Variants in NAP1L1 observed in about 807,000 individuals in gnomAD.
NAP1L1 encodes the protein nucleosome assembly protein 1-like 1.
Under a neutral mutation model 58.9 loss-of-function variants are expected in NAP1L1, and 9 were observed. That is an observed-to-expected ratio of 0.15 (90% CI 0.09 to 0.27). The LOEUF (loss-of-function observed/expected upper bound fraction) is 0.27, where lower values mean the gene tolerates loss of function less well. NAP1L1 is among the 10% of genes least tolerant of loss of function. NAP1L1 has a pLI of 1.00. For synonymous variants in NAP1L1, 130 were observed against 138.3 expected (o/e 0.94, Z 0.42); for missense variants, 302 against 458.8 (o/e 0.66, Z 3.12).
At chr12:76,079,883 G>A (rs924598588) in intron 1 of NAP1L1, among the ~76,000 whole-genome samples, 3 of 152,004 alleles carry the variant, frequency 2.0e-5, no homozygotes, top group African/African-American at 7.2e-5. Flanking sequence ...GTAAAGACAG[G>A]GTGTCTCACT....
chr12:76,079,012 C>CATAT lies in NAP1L1; in HGVS notation c.-20-4777_-20-4774dup, dbSNP rs761513778. Among the ~76,000 whole-genome samples, 214 of 151,828 alleles carry CATAT rather than the reference C, an allele frequency of 1.4e-3. 1 individual carries two copies. Among genetic ancestry groups the CATAT allele is most frequent in the Admixed American group, 4.8e-3 (74 of 15,258 alleles). On this transcript the variant is annotated intron_variant, in intron 1 of 14. Transcript: ENST00000618691. ...ATATATATACACACACACACACACA[C>CATAT]ATATATTTATCCAGCTCCGGATACA... is the stretch of plus-strand genomic sequence containing the variant.
intron 2 of NAP1L1, among the ~76,000 whole-genome samples, chr12:76,071,871 C>G (rs959568346): frequency 6.6e-6 from 1 of 151,600 alleles, no homozygotes; most frequent in Non-Finnish European, 1.5e-5. Context: ...CATTAGAATG[C>G]TAAATGTAGA....
intron 1 of NAP1L1, among the ~76,000 whole-genome samples, chr12:76,079,210 C>G (rs926101677): frequency 2.0e-5 from 3 of 152,150 alleles, no homozygotes; most frequent in Admixed American, 6.5e-5. Context: ...AAAATACTAT[C>G]CCCAACCAAA....
chr12:76,064,247 CAA>C (rs1168930392), intron 4 of NAP1L1, among the ~76,000 whole-genome samples: 9 of 152,206 alleles, frequency 5.9e-5, no homozygotes, highest in Admixed American at 1.3e-4. Context: ...TAAAATGAAA[CAA>C]GAGAACAAGA....
intron 1 of NAP1L1, among the ~76,000 whole-genome samples, chr12:76,078,117 A>T (rs1182320597): frequency 2.0e-5 from 3 of 152,238 alleles, no homozygotes; most frequent in Non-Finnish European, 2.9e-5. Context: ...TGAGGGCAAA[A>T]CAGGAGCAGA....
intron 3 of NAP1L1, among the ~76,000 whole-genome samples, chr12:76,068,352 C>T (rs535665616): frequency 4.9e-4 from 75 of 152,116 alleles, no homozygotes; most frequent in Middle Eastern, 3.4e-3. Flanking sequence ...AACTTCCATC[C>T]GGCTTAAAAA....
At chr12:76,067,514 A>AATGT (rs767623962) in intron 3 of NAP1L1, 41 bp from the exon 4 acceptor site, 1 of 1,494,922 alleles carries the variant, frequency 6.7e-7, no homozygotes, top group Non-Finnish European at 9.2e-7. Flanking sequence ...ATTTTATGAA[A>AATGT]ATGTATTATG....
Position 76,044,668 on chromosome 12 carries a change from T to TA in NAP1L1, c.*3760dup. The TA allele has an allele frequency of 6.6e-6, 1 of 152,338 alleles. No individual in the cohort carries two copies. Among genetic ancestry groups the TA allele is most frequent in the South Asian group, 2.1e-4 (1 of 4,832 alleles). The allele number at this position is 152,338 out of a possible 1,614,324, so 9.4% of individuals were successfully genotyped here. ...ATTATAAGTCAGGGACTGTCTGTACTAAGATTTTAGTGAATAACTTAATTT... is the reference window on the plus strand; with the variant it reads ...ATTATAAGTCAGGGACTGTCTGTACTAAAGATTTTAGTGAATAACTTAATTT... On this transcript the variant is annotated 3_prime_UTR_variant, in exon 15 of 15. Coordinates refer to ENST00000618691, the MANE Select transcript of NAP1L1 (RefSeq NM_004537.7).
intron 1 of NAP1L1, among the ~76,000 whole-genome samples, chr12:76,083,473 CAAAAA>C (rs34033928): frequency 1.1e-5 from 1 of 87,216 alleles, no homozygotes; most frequent in Non-Finnish European, 2.1e-5. Flanking sequence ...CTTTTTTTTC[CAAAAA>C]AAAAAAAAAA....
chr12:76,053,780 C>T lies in NAP1L1; in HGVS notation c.760G>A (p.Gly254Ser). 6.2e-7 allele frequency: 1 copy of T among 1,608,634 alleles called. No homozygotes were observed. The highest frequency in any genetic ancestry group is 8.5e-7 in the Non-Finnish European group (1 of 1,178,714). ...PFSFDGPEIMGCTGCQIDWKK... is the reference protein window; with the variant it reads ...PFSFDGPEIMSCTGCQIDWKK... ...TAAAATTAAACTCACCCTGTACAAC[C>T]CATAATTTCTGGTCCATCAAAAGAA... is the stretch of plus-strand genomic sequence containing the variant. Residue 254 changes from glycine to serine, a missense_variant, in exon 9 of 15, where the codon GGT (glycine) becomes AGT (serine). Coordinates refer to ENST00000618691, the MANE Select transcript of NAP1L1 (RefSeq NM_004537.7).
At chr12:76,068,778 A>ACACACT in intron 3 of NAP1L1, 131 bp downstream of exon 3, 2 of 651,302 alleles carry the variant, frequency 3.1e-6, no homozygotes, top group East Asian at 2.7e-5. Context: ...ACACACACAC[A>ACACACT]CTAGAAGTAT....
chr12:76,050,003 A>G (rs962548334), intron 12 of NAP1L1, among the ~76,000 whole-genome samples: 1 of 152,196 alleles, frequency 6.6e-6, no homozygotes, highest in Non-Finnish European at 1.5e-5. Flanking sequence ...TCATGTGGAT[A>G]AAGTGGATGA....
Position 76,046,348 on chromosome 12 carries a change from G to A in NAP1L1, c.*2081C>T, listed in dbSNP as rs1948607380. 2 of 152,130 alleles carry A rather than the reference G, an allele frequency of 1.3e-5. No homozygotes were observed. 9.4% of individuals were successfully genotyped at this position (152,130 alleles called of 1,614,324 possible). A position where few individuals can be genotyped will look rare whatever the true frequency, so the allele number is the denominator to read the frequency against. On this transcript the variant is annotated 3_prime_UTR_variant, in exon 15 of 15. Transcript: ENST00000618691. ...AAACCACATCCCCTTTATGTAACAA[G>A]ACTAGGTATTATCTACACCTTCACT... is the stretch of plus-strand genomic sequence containing the variant.
intron 2 of NAP1L1, among the ~76,000 whole-genome samples, chr12:76,069,424 G>A (rs1949842747): frequency 6.6e-6 from 1 of 152,178 alleles, no homozygotes; most frequent in African/African-American, 2.4e-5. Flanking sequence ...TAAAAAAGCA[G>A]AAATGCTGTA....
chr12:76,080,567 G>A (rs1406871923), intron 1 of NAP1L1, among the ~76,000 whole-genome samples: 1 of 152,114 alleles, frequency 6.6e-6, no homozygotes, highest in Non-Finnish European at 1.5e-5. Context: ...GGATGAAATG[G>A]CTTAATGATG....
chr12:76,070,468 A>T (rs1418217808), intron 2 of NAP1L1, among the ~76,000 whole-genome samples: 1 of 152,228 alleles, frequency 6.6e-6, no homozygotes, highest in Non-Finnish European at 1.5e-5. Flanking sequence ...GTACACACTT[A>T]ACGGTCACTG....
At chr12:76,066,396 G>T (rs566779105) in intron 4 of NAP1L1, among the ~76,000 whole-genome samples, 1 of 151,962 alleles carries the variant, frequency 6.6e-6, no homozygotes, top group East Asian at 1.9e-4. Context: ...TAAATTTGTA[G>T]AAATGACACA....
intron 1 of NAP1L1, among the ~76,000 whole-genome samples, chr12:76,079,504 AAGAC>A (rs1310689413): frequency 1.3e-5 from 2 of 152,234 alleles, no homozygotes; most frequent in African/African-American, 4.8e-5. Flanking sequence ...TGTAATGTAA[AAGAC>A]AGTTTCAGAA....
chr12:76,068,973 A>T lies in NAP1L1; in HGVS notation c.39T>A (p.Asp13Glu). The T allele has an allele frequency of 6.2e-7, 1 of 1,613,144 alleles. No individual in the cohort carries two copies. Among genetic ancestry groups the T allele is most frequent in the Non-Finnish European group, 8.5e-7 (1 of 1,179,514 alleles). The change falls in exon 3 of 15, where the codon GAT becomes GAA. Residue 13 changes from aspartate (D) to glutamate (E), a missense_variant. Transcript: ENST00000618691. ...DIDNKEQSELDQDLDDVEEVE... is the reference protein window; with the variant it reads ...DIDNKEQSELEQDLDDVEEVE... ...CTTCTTCAACATCATCCAAATCTTG[A>T]TCAAGTTCAGACTGTTCTTTGCTAT...
Sources: gnomAD v4.1 joint callset for allele counts (sites outside exome capture counted in the v4.1 genomes callset) on GRCh38, gnomAD v4.1.1 for gene constraint, MANE v1.5 for transcripts, NCBI Gene and HGNC (gene_info 2026-07-23, HGNC 2026-07-21) for gene names.